Variants in RIMS1 observed in about 807,000 individuals in gnomAD.
RIMS1 encodes regulating synaptic membrane exocytosis 1, also known as regulating synaptic membrane exocytosis protein 1.
A neutral mutation model predicts 214.1 loss-of-function variants in RIMS1; 83 were observed. The ratio of observed to expected loss-of-function variants is 0.39; its 90% CI spans 0.32 to 0.47. The LOEUF is 0.47. Ranked by LOEUF, RIMS1 falls within the 20% of genes least tolerant of loss-of-function variation. RIMS1 has a pLI of 0.99. For missense variants in RIMS1, 2,050 were observed against 2,161.8 expected (o/e 0.95, Z 1.03); for synonymous variants, 793 against 786.8 (o/e 1.01, Z -0.13).
intron 6 of RIMS1, among the ~76,000 whole-genome samples, chr6:72,212,418 G>T (rs376129181): frequency 6.6e-6 from 1 of 151,878 alleles, no homozygotes; most frequent in East Asian, 1.9e-4. Flanking sequence ...TGTAATAAGA[G>T]GTAAGTACTA....
intron 2 of RIMS1, among the ~76,000 whole-genome samples, chr6:72,006,604 G>A (rs1807743847): frequency 6.6e-6 from 1 of 152,202 alleles, no homozygotes; most frequent in Admixed American, 6.5e-5. Context: ...ATGGCACCTG[G>A]AAAATCGGGT....
intron 29 of RIMS1, among the ~76,000 whole-genome samples, chr6:72,340,042 T>A (rs2096998289): frequency 6.6e-6 from 1 of 152,046 alleles, no homozygotes; most frequent in South Asian, 2.1e-4. Context: ...CCAGTGATGA[T>A]GAGCATTTTT....
chr6:72,297,447 T>C (rs2094203853), intron 26 of RIMS1, among the ~76,000 whole-genome samples: 1 of 152,028 alleles, frequency 6.6e-6, no homozygotes. Context: ...GCCCTTTCCA[T>C]ATATATTACT....
intron 29 of RIMS1, among the ~76,000 whole-genome samples, chr6:72,382,471 G>C (rs1381899359): frequency 6.6e-6 from 1 of 152,194 alleles, no homozygotes; most frequent in East Asian, 1.9e-4. Flanking sequence ...GTTGGAGATA[G>C]ATGACAATAT....
intron 28 of RIMS1, among the ~76,000 whole-genome samples, chr6:72,326,910 A>C (rs1173385281): frequency 6.6e-6 from 1 of 151,794 alleles, no homozygotes; most frequent in Non-Finnish European, 1.5e-5. Flanking sequence ...ATGACAATAG[A>C]AGCAGAGGTC....
In RIMS1 at chr6:72,314,144, C is replaced by T. The variant is rs146783819; in HGVS notation, c.4130+472C>T. 1.1e-3 allele frequency among the ~76,000 whole-genome samples: 174 copies of T among 152,170 alleles called. 1 individual carries two copies. Among genetic ancestry groups the T allele is most frequent in the African/African-American group, 3.8e-3 (156 of 41,520 alleles). Reference sequence around the variant, plus strand: ...TACGTTATGAGTTGAAAGGCATTTGCGTCAATTTTGTTTAAGTCACCAGTA... The same window carrying T: ...TACGTTATGAGTTGAAAGGCATTTGTGTCAATTTTGTTTAAGTCACCAGTA... On this transcript the variant is annotated intron_variant, in intron 28 of 33. Transcript: ENST00000521978.
chr6:72,148,620 T>G (rs1388832998), intron 4 of RIMS1: 1 of 456,680 alleles, frequency 2.2e-6, no homozygotes, highest in Non-Finnish European at 4.4e-6. Context: ...TTCCATGAAG[T>G]GGGGAGCCCA....
At chr6:72,236,003 A>G (rs2063873442) in intron 8 of RIMS1, among the ~76,000 whole-genome samples, 1 of 152,134 alleles carries the variant, frequency 6.6e-6, no homozygotes, top group Non-Finnish European at 1.5e-5. Context: ...AGCAACATAA[A>G]CATCATTAAA....
chr6:72,223,086 G>A (rs2059039755), intron 6 of RIMS1, among the ~76,000 whole-genome samples: 1 of 152,140 alleles, frequency 6.6e-6, no homozygotes, highest in Non-Finnish European at 1.5e-5. Context: ...TTGTGGGGTT[G>A]AATACCAAAG....
chr6:72,125,180 T>A (rs1040287796), intron 4 of RIMS1, among the ~76,000 whole-genome samples: 1 of 151,672 alleles, frequency 6.6e-6, no homozygotes, highest in Non-Finnish European at 1.5e-5. Context: ...GATGACCTTT[T>A]TGTTGCTATT....
chr6:72,203,120 T>A (rs547271633), intron 6 of RIMS1, among the ~76,000 whole-genome samples: 6 of 152,280 alleles, frequency 3.9e-5, no homozygotes, highest in African/African-American at 1.4e-4. Context: ...TCCGAGTAGC[T>A]GGGATTACAG....
At chr6:72,205,286 A>G (rs1424424266) in intron 6 of RIMS1, among the ~76,000 whole-genome samples, 1 of 152,220 alleles carries the variant, frequency 6.6e-6, no homozygotes, top group Non-Finnish European at 1.5e-5. Flanking sequence ...ATAAAGCAAC[A>G]TCAATAACAT....
intron 4 of RIMS1, among the ~76,000 whole-genome samples, chr6:72,123,893 T>C (rs1420912262): frequency 1.3e-5 from 2 of 151,874 alleles, no homozygotes; most frequent in Non-Finnish European, 2.9e-5. Flanking sequence ...GTTTCCTGAA[T>C]ACAGCACACT....
intron 2 of RIMS1, among the ~76,000 whole-genome samples, chr6:72,096,737 C>A (rs371899846): frequency 4.5e-4 from 68 of 152,268 alleles, no homozygotes; most frequent in African/African-American, 7.2e-4. Flanking sequence ...ACACATAGTT[C>A]AGTGCTAATA....
chr6:71,895,169 G>T (rs1042053492), intron 1 of RIMS1, among the ~76,000 whole-genome samples: 1 of 152,156 alleles, frequency 6.6e-6, no homozygotes, highest in African/African-American at 2.4e-5. Flanking sequence ...TTTTCTTGCT[G>T]TATTTGCTGG....
At chr6:71,941,113 G>T (rs1322165265) in intron 1 of RIMS1, among the ~76,000 whole-genome samples, 1 of 151,642 alleles carries the variant, frequency 6.6e-6, no homozygotes, top group Non-Finnish European at 1.5e-5. Context: ...TATCAATGTA[G>T]TTTTTTTTCA....
chr6:72,099,978 G>A lies in RIMS1; in HGVS notation c.463G>A (p.Asp155Asn), dbSNP rs771667572. 7.5e-6 allele frequency: 12 copies of A among 1,606,018 alleles called. No homozygotes were observed. In the Admixed American group the frequency reaches 2.0e-4, roughly 27 times the overall value. Residue 155 changes from aspartate to asparagine, a missense_variant, in exon 4 of 34, where the codon GAC (aspartate) becomes AAC (asparagine). Physicochemically the swap from Asp to Asn is conservative, Grantham distance 23 (BLOSUM62 1). Coordinates refer to ENST00000521978, the MANE Select transcript of RIMS1 (RefSeq NM_014989.7). ...TTCCTTGGATGCTTTCCCAAAGGAG[G>A]ACAAAGTGGTTAGAATCCATACTTT... ...GRVSLRSNNE[D>N]KVVMWVCNLC... is the part of the protein sequence containing the mutation.
At position 71,981,292 on chromosome 6, in the gene RIMS1, G is replaced by A. The variant is rs1020078223; in HGVS notation, c.245+12229G>A. ...CCATTTTACATATGAGGAAACTGAG[G>A]CACATAAAAGAAAATCATTTGCTCA... is the stretch of plus-strand genomic sequence containing the variant. On this transcript the variant is annotated intron_variant, in intron 2 of 33. Coordinates refer to ENST00000521978, the MANE Select transcript of RIMS1 (RefSeq NM_014989.7). 7.2e-5 allele frequency among the ~76,000 whole-genome samples: 11 copies of A among 152,194 alleles called. No homozygotes were observed. In the East Asian group the frequency reaches 9.6e-4, roughly 13 times the overall value.
intron 1 of RIMS1, among the ~76,000 whole-genome samples, chr6:71,935,315 T>C (rs983399170): frequency 9.2e-5 from 14 of 152,352 alleles, no homozygotes; most frequent in African/African-American, 2.9e-4. Context: ...TATCTCATTC[T>C]GTAAGCAAGA....
Sources: gnomAD v4.1 joint callset for allele counts (sites outside exome capture counted in the v4.1 genomes callset) on GRCh38, gnomAD v4.1.1 for gene constraint, MANE v1.5 for transcripts, NCBI Gene and HGNC (gene_info 2026-07-23, HGNC 2026-07-21) for gene names.